KCNK16: variants seen among roughly 807,000 people sequenced by gnomAD.
KCNK16 encodes the protein potassium channel subfamily K member 16.
Under a neutral mutation model 23.0 loss-of-function variants are expected in KCNK16, and 23 were observed. The ratio of observed to expected loss-of-function variants is 1.00; its 90% CI spans 0.72 to 1.41. The LOEUF (loss-of-function observed/expected upper bound fraction) is 1.41. Among genes scored for constraint, KCNK16 ranks in the 40% most tolerant of loss-of-function variants. The pLI, the probability that KCNK16 is intolerant of heterozygous loss-of-function variation, is 0.00. For synonymous variants in KCNK16, 145 were observed against 153.5 expected (o/e 0.94, Z 0.41); for missense variants, 327 against 365.8 (o/e 0.89, Z 0.87).
intron 2 of KCNK16, 108 bp from the exon 3 acceptor site, chr6:39,318,060 A>C: frequency 9.1e-7 from 1 of 1,097,078 alleles, no homozygotes; most frequent in Non-Finnish European, 1.3e-6. Context: ...TGGGGGTGAG[A>C]AGGGGAAGCT....
intron 2 of KCNK16, 79 bp from the exon 3 acceptor site, chr6:39,318,031 G>A (rs1583785607): frequency 2.5e-5 from 35 of 1,403,304 alleles, no homozygotes; most frequent in Non-Finnish European, 3.2e-5. Context: ...TCTAGCTGAG[G>A]TTTGTCTGTC....
rs1425325854 is a variant in KCNK16, at chr6:39,319,734, G to A, written c.214-601C>T. Among the ~76,000 whole-genome samples the A allele has an allele frequency of 7.0e-6, 1 of 142,184 alleles. No individual in the cohort carries two copies. Among genetic ancestry groups the A allele is most frequent in the Non-Finnish European group, 1.5e-5 (1 of 65,934 alleles). The allele number at this position is 142,184 out of a possible 152,430, so 93.3% of individuals were successfully genotyped here. A position where few individuals can be genotyped will look rare whatever the true frequency, so the allele number is the denominator to read the frequency against. On this transcript the variant is annotated intron_variant, in intron 1 of 4. Coordinates refer to ENST00000437525, the MANE Select transcript of KCNK16 (RefSeq NM_001135106.2). The surrounding 1 kb of genome is among the most constrained non-coding windows in gnomAD (Gnocchi z 4.2). ...AATTCTAACAGAGGCCAAGACAAAG[G>A]TGGCACGTGTGAGTGTGTGTGTGTG...
At chr6:39,316,661 G>C in intron 4 of KCNK16, 121 bp downstream of exon 4, 1 of 1,280,748 alleles carries the variant, frequency 7.8e-7, no homozygotes, top group Non-Finnish European at 1.1e-6. Flanking sequence ...CATTGGTTTG[G>C]CTCCCTTGAA....
At chr6:39,321,609 G>A (rs113542747) in intron 1 of KCNK16, among the ~76,000 whole-genome samples, 2 of 152,274 alleles carry the variant, frequency 1.3e-5, no homozygotes, top group South Asian at 2.1e-4. Flanking sequence ...GTTGTCACTC[G>A]CTCCAGTGCC....
chr6:39,315,628 C>T (rs893626085), downstream of KCNK16, among the ~76,000 whole-genome samples: 3 of 152,192 alleles, frequency 2.0e-5, no homozygotes, highest in Non-Finnish European at 2.9e-5. Flanking sequence ...AAAGTCTCTG[C>T]CCAGGTCTCC....
chr6:39,316,139 A>G (rs1443918855), downstream of KCNK16: 24 of 1,436,566 alleles, frequency 1.7e-5, no homozygotes, highest in Non-Finnish European at 2.2e-5. Context: ...GGAGAGGAGA[A>G]AGCAGGGCTG....
chr6:39,320,934 T>C (rs1008091458), intron 1 of KCNK16, among the ~76,000 whole-genome samples: 1 of 152,206 alleles, frequency 6.6e-6, no homozygotes, highest in African/African-American at 2.4e-5. Context: ...TGTGGTACTA[T>C]GGTCCCCCAA....
chr6:39,316,702 G>T, intron 4 of KCNK16, 80 bp downstream of exon 4: 2 of 1,490,594 alleles, frequency 1.3e-6, no homozygotes, highest in Non-Finnish European at 1.8e-6. Flanking sequence ...CTCAATAGTT[G>T]TCCTCAGCTG....
rs1168581768 is a variant in KCNK16, at chr6:39,319,330, A to G, written c.214-197T>C. Among the ~76,000 whole-genome samples, 1 of 152,032 alleles carries G rather than the reference A, an allele frequency of 6.6e-6. No homozygotes were observed. Among genetic ancestry groups the G allele is most frequent in the Non-Finnish European group, 1.5e-5 (1 of 68,010 alleles). On this transcript the variant is annotated intron_variant, in intron 1 of 4. Transcript: ENST00000437525. This position sits in a 1 kb window ranked among gnomAD's most constrained non-coding sequence, Gnocchi z 4.2. ...ACCTGTGCAAGGTGACTGGACTCCA[A>G]CTCCAGTGTCTGTTCCACTGTCTGT... is the stretch of plus-strand genomic sequence containing the variant.
intron 1 of KCNK16, among the ~76,000 whole-genome samples, chr6:39,320,866 A>G (rs1762489216): frequency 6.6e-6 from 1 of 152,142 alleles, no homozygotes; most frequent in Non-Finnish European, 1.5e-5. Context: ...CAGCTTCTCC[A>G]GGGCCTCTGC....
chr6:39,316,530 C>T, intron 4 of KCNK16, 88 bp from the exon 5 acceptor site: 3 of 1,442,426 alleles, frequency 2.1e-6, no homozygotes, highest in Non-Finnish European at 2.8e-6. Context: ...AGCCAGGATG[C>T]TCTCTCCCTC....
In KCNK16 at chr6:39,319,748, T is replaced by TGA. The variant is rs1344613804; in HGVS notation, c.214-616_214-615insTC. 7.7e-6 allele frequency among the ~76,000 whole-genome samples: 1 copy of TGA among 129,200 alleles called. No individual in the cohort carries two copies. Among genetic ancestry groups the TGA allele is most frequent in the African/African-American group, 3.4e-5 (1 of 29,314 alleles). The allele number at this position is 129,200 out of a possible 152,430, so 84.8% of individuals were successfully genotyped here. ...CCAAGACAAAGGTGGCACGTGTGAG[T>TGA]GTGTGTGTGTGTGTGTGTGTGTGTG... On this transcript the variant is annotated intron_variant, in intron 1 of 4. Coordinates refer to ENST00000437525, the MANE Select transcript of KCNK16 (RefSeq NM_001135106.2). The surrounding 1 kb of genome is among the most constrained non-coding windows in gnomAD (Gnocchi z 4.2).
chr6:39,317,668 C>G, intron 3 of KCNK16, 118 bp downstream of exon 3: 1 of 1,148,854 alleles, frequency 8.7e-7, no homozygotes, highest in Non-Finnish European at 1.2e-6. Flanking sequence ...CTTCCTCTTT[C>G]ACAGGCATCT....
At chr6:39,317,256 GTC>G (rs1762352312) in intron 3 of KCNK16, among the ~76,000 whole-genome samples, 1 of 152,238 alleles carries the variant, frequency 6.6e-6, no homozygotes, top group Non-Finnish European at 1.5e-5. Context: ...TCATTGAACT[GTC>G]TGCGTATTTC....
chr6:39,317,731 C>T (rs1762372229), intron 3 of KCNK16, 55 bp downstream of exon 3: 2 of 1,477,228 alleles, frequency 1.4e-6, no homozygotes, highest in Non-Finnish European at 1.8e-6. Context: ...TTCTGGGGAA[C>T]TCCACTTGCA....
downstream of KCNK16, chr6:39,314,765 T>A: frequency 2.0e-6 from 1 of 507,488 alleles, no homozygotes; most frequent in South Asian, 3.7e-5. Context: ...TCGGGGGCTA[T>A]CTCCAAGGAC....
At chr6:39,321,971 T>C (rs113481510) in intron 1 of KCNK16, among the ~76,000 whole-genome samples, 5 of 152,376 alleles carry the variant, frequency 3.3e-5, no homozygotes, top group African/African-American at 1.2e-4. Context: ...GAAATTTGGA[T>C]AGCGTTGATA....
At chr6:39,315,514 G>C, downstream of KCNK16, 1 of 1,308,610 alleles carries the variant, frequency 7.6e-7, no homozygotes, top group Non-Finnish European at 1.0e-6. Context: ...GACAGCCCTG[G>C]ACTTCTAGGC....
chr6:39,322,765 G>A (rs567187390), upstream of KCNK16: 13 of 599,702 alleles, frequency 2.2e-5, no homozygotes, highest in African/African-American at 1.3e-4. Flanking sequence ...ACCCCCACCC[G>A]GCCTTTGTTT....
Sources: allele counts gnomAD v4.1 joint callset (sites outside exome capture counted in the v4.1 genomes callset), GRCh38; gene constraint gnomAD v4.1.1; non-coding constraint Gnocchi (gnomAD v3.1); transcripts MANE v1.5; gene names NCBI Gene and HGNC (gene_info 2026-07-23, HGNC 2026-07-21).